The following IL21 variants were observed in gnomAD, a reference collection of about 807,000 sequenced individuals.
IL21 encodes the protein interleukin 21.
In IL21, 3 loss-of-function variants were observed where a neutral mutation model predicts 18.4. That is an observed-to-expected ratio of 0.16 (90% CI 0.07 to 0.42). IL21 has a LOEUF of 0.42. Among genes scored for constraint, IL21 ranks in the 10% least tolerant of loss-of-function variants. IL21 has a pLI of 0.99. For synonymous variants in IL21, 37 were observed against 62.0 expected (o/e 0.60, Z 1.90); for missense variants, 130 against 188.4 (o/e 0.69, Z 1.81).
In IL21 at chr4:122,612,684, A is replaced by G. The variant is rs1799277268; in HGVS notation, c.*26T>C. ...TCACTACTATATTAGAGTATGTAAC[A>G]TAGTGTCCAACTGCAAGTTAGATCC... On this transcript the variant is annotated 3_prime_UTR_variant, in exon 5 of 5. Coordinates refer to ENST00000648588, the MANE Select transcript of IL21 (RefSeq NM_021803.4). The G allele has an allele frequency of 6.8e-7, 1 of 1,472,832 alleles. No homozygotes were observed. The highest frequency in any genetic ancestry group is 9.5e-7 in the Non-Finnish European group (1 of 1,052,252). 91.2% of individuals were successfully genotyped at this position (1,472,832 alleles called of 1,614,324 possible). A position where few individuals can be genotyped will look rare whatever the true frequency, so the allele number is the denominator to read the frequency against.
intron 2 of IL21, among the ~76,000 whole-genome samples, chr4:122,618,666 T>C (rs756994688): frequency 3.8e-4 from 58 of 151,380 alleles, no homozygotes; most frequent in Non-Finnish European, 8.4e-4. Flanking sequence ...ATTAGCTGGG[T>C]GTGGTGGCGT....
At chr4:122,617,944 C>A (rs547813340) in intron 2 of IL21, among the ~76,000 whole-genome samples, 1 of 152,304 alleles carries the variant, frequency 6.6e-6, no homozygotes, top group African/African-American at 2.4e-5. Flanking sequence ...ATTTAGGCAG[C>A]CTCAGGTGCC....
rs572407034 is a variant in IL21 at position 122,610,499 on chromosome 4, A to G, written c.*2211T>C. ...TACTGAGCAACTGAACATCAGACTCAGTAGAAAGTTTTACTCAGAAGTATG... is the reference window on the plus strand; with the variant it reads ...TACTGAGCAACTGAACATCAGACTCGGTAGAAAGTTTTACTCAGAAGTATG... On this transcript the variant is annotated 3_prime_UTR_variant, in exon 5 of 5. Transcript: ENST00000648588. 1.9e-4 allele frequency among the ~76,000 whole-genome samples: 29 copies of G among 152,290 alleles called. 1 individual carries two copies. The South Asian group carries it at 4.1e-3, about 22-fold the overall frequency.
chr4:122,613,498 C>G (rs546268279), intron 3 of IL21, among the ~76,000 whole-genome samples: 1 of 151,840 alleles, frequency 6.6e-6, no homozygotes, highest in Non-Finnish European at 1.5e-5. Flanking sequence ...ATTACAGGCA[C>G]GCACGACCAT....
In IL21 at chr4:122,611,295, G is replaced by C. The variant is rs1269263002; in HGVS notation, c.*1415C>G. 1.3e-5 allele frequency among the ~76,000 whole-genome samples: 2 copies of C among 151,550 alleles called. No homozygotes were observed. Among genetic ancestry groups the C allele is most frequent in the Non-Finnish European group, 2.9e-5 (2 of 67,874 alleles). On this transcript the variant is annotated 3_prime_UTR_variant, in exon 5 of 5. Transcript: ENST00000648588. ...TGATAAATTTTTTTTTCTTTTTTCT[G>C]AGTCTACTTGCTGATGATAAAACAT... is the stretch of plus-strand genomic sequence containing the variant.
chr4:122,614,378 C>T (rs1327466844), intron 3 of IL21, among the ~76,000 whole-genome samples: 1 of 152,050 alleles, frequency 6.6e-6, no homozygotes, highest in Admixed American at 6.6e-5. Flanking sequence ...ATTTGAATCA[C>T]ATGTGGAATG....
intron 3 of IL21, among the ~76,000 whole-genome samples, chr4:122,614,683 G>A (rs2150685914): frequency 6.6e-6 from 1 of 152,114 alleles, no homozygotes; most frequent in Non-Finnish European, 1.5e-5. Context: ...TCCAGCATGG[G>A]CGACAGACTG....
chr4:122,616,543 A>G (rs1388370075), intron 2 of IL21, among the ~76,000 whole-genome samples: 1 of 152,196 alleles, frequency 6.6e-6, no homozygotes, highest in Non-Finnish European at 1.5e-5. Context: ...GCCTGAATCA[A>G]GCAGTTGAGG....
At position 122,612,113 on chromosome 4, in the gene IL21, T is replaced by A. The variant is rs1307805617; in HGVS notation, c.*597A>T. On this transcript the variant is annotated 3_prime_UTR_variant, in exon 5 of 5. Coordinates refer to ENST00000648588, the MANE Select transcript of IL21 (RefSeq NM_021803.4). Reference sequence around the variant, plus strand: ...CATTCATATCTATAGTATTTAAATATTTTTATAAACCCCAATAAAGAAGTA... The same window carrying A: ...CATTCATATCTATAGTATTTAAATAATTTTATAAACCCCAATAAAGAAGTA... Among the ~76,000 whole-genome samples the A allele has an allele frequency of 6.6e-6, 1 of 151,848 alleles. No homozygotes were observed. Among genetic ancestry groups the A allele is most frequent in the Non-Finnish European group, 1.5e-5 (1 of 67,938 alleles).
rs45608939 is a variant in IL21 at position 122,615,622 on chromosome 4, G to T, written c.360+60C>A. 68 of 1,473,728 alleles carry T rather than the reference G, an allele frequency of 4.6e-5. No homozygotes were observed. In the African/African-American group the frequency reaches 9.3e-4, roughly 20 times the overall value. The allele number at this position is 1,473,728 out of a possible 1,614,324, so 91.3% of individuals were successfully genotyped here. A position where few individuals can be genotyped will look rare whatever the true frequency, so the allele number is the denominator to read the frequency against. ...GCTACAGGTGTGTGTGTATGTTTAT[G>T]TAATGCAAGATATATAGTTTATAAG... On this transcript the variant is annotated intron_variant, in intron 3 of 4. Coordinates refer to ENST00000648588, the MANE Select transcript of IL21 (RefSeq NM_021803.4).
chr4:122,620,584 G>A lies in IL21; in HGVS notation c.204+117C>T. On this transcript the variant is annotated intron_variant, in intron 2 of 4. Coordinates refer to ENST00000648588, the MANE Select transcript of IL21 (RefSeq NM_021803.4). ...TAAATAAATATTTCATCAATTATTAGACCGCTAAGTTCATTAAAATTCAGT... is the reference window on the plus strand; with the variant it reads ...TAAATAAATATTTCATCAATTATTAAACCGCTAAGTTCATTAAAATTCAGT... The A allele has an allele frequency of 4.8e-6, 4 of 834,344 alleles. No homozygotes were observed. The South Asian group carries it at 7.8e-5, about 16-fold the overall frequency. The allele number at this position is 834,344 out of a possible 1,614,324, so 51.7% of individuals were successfully genotyped here. A position where few individuals can be genotyped will look rare whatever the true frequency, so the allele number is the denominator to read the frequency against.
intron 4 of IL21, 23 bp downstream of exon 4, chr4:122,612,828 C>A: frequency 1.2e-6 from 2 of 1,612,438 alleles, no homozygotes; most frequent in South Asian, 2.2e-5. Flanking sequence ...AGCAGAAAAT[C>A]AAATGAAACT....
At chr4:122,619,131 T>C (rs548203994) in intron 2 of IL21, 1 of 152,342 alleles carries the variant, frequency 6.6e-6, no homozygotes, top group Admixed American at 6.5e-5. Flanking sequence ...GAAAGATGCC[T>C]GGCTAGGCCA....
chr4:122,615,906 T>C, intron 2 of IL21, 69 bp from the exon 3 acceptor site: 1 of 1,319,576 alleles, frequency 7.6e-7, no homozygotes. Flanking sequence ...GCTTTCCCAA[T>C]CCTCTATTTC....
Position 122,613,811 on chromosome 4 carries a change from A to G in IL21, c.361-883T>C, listed in dbSNP as rs570459756. On this transcript the variant is annotated intron_variant, in intron 3 of 4. Coordinates refer to ENST00000648588, the MANE Select transcript of IL21 (RefSeq NM_021803.4). ...TTTGATATACATTATAAAGGGTTTT[A>G]CCTCTTTTCACTTGGAGCATTCTTA... 1.7e-4 allele frequency among the ~76,000 whole-genome samples: 26 copies of G among 152,304 alleles called. No individual in the cohort carries two copies. The South Asian group carries it at 5.2e-3, about 30-fold the overall frequency.
chr4:122,612,667 A>G lies in IL21; in HGVS notation c.*43T>C, dbSNP rs770663168. ...ATACAAAGAAATGACTTTCACTACT[A>G]TATTAGAGTATGTAACATAGTGTCC... On this transcript the variant is annotated 3_prime_UTR_variant, in exon 5 of 5. Transcript: ENST00000648588. The G allele has an allele frequency of 3.0e-6, 4 of 1,331,632 alleles. No individual in the cohort carries two copies. The highest frequency in any genetic ancestry group is 2.2e-6 in the Non-Finnish European group (2 of 924,592). The allele number at this position is 1,331,632 out of a possible 1,614,324, so 82.5% of individuals were successfully genotyped here.
intron 2 of IL21, 92 bp downstream of exon 2, chr4:122,620,609 T>C: frequency 9.8e-7 from 1 of 1,019,014 alleles, no homozygotes; most frequent in Admixed American, 2.1e-5. Flanking sequence ...TAAAATTCAG[T>C]ATACTCCTAT....
chr4:122,610,306 A>G lies in IL21; in HGVS notation c.*2404T>C, dbSNP rs1799248665. Among the ~76,000 whole-genome samples the G allele has an allele frequency of 6.6e-6, 1 of 152,238 alleles. No individual in the cohort carries two copies. Among genetic ancestry groups the G allele is most frequent in the Non-Finnish European group, 1.5e-5 (1 of 68,038 alleles). On this transcript the variant is annotated 3_prime_UTR_variant, in exon 5 of 5. Transcript: ENST00000648588. ...TGCTACAATTTTATACAAGTGTTCC[A>G]AGAAGACACTTTGAACTAAAATAAT... is the stretch of plus-strand genomic sequence containing the variant.
chr4:122,620,777 C>T, intron 1 of IL21, 41 bp from the exon 2 acceptor site: 2 of 1,612,142 alleles, frequency 1.2e-6, no homozygotes, highest in Non-Finnish European at 1.7e-6. Context: ...TTTTTATAAG[C>T]CAAACCCTCC....
Sources: gnomAD v4.1 joint callset for allele counts (sites outside exome capture counted in the v4.1 genomes callset) on GRCh38, gnomAD v4.1.1 for gene constraint, MANE v1.5 for transcripts, NCBI Gene and HGNC (gene_info 2026-07-23, HGNC 2026-07-21) for gene names.